Variants in PABPC4L observed in about 807,000 individuals in gnomAD.
The protein encoded by PABPC4L is polyadenylate-binding protein 4-like.
For missense variants in PABPC4L, 452 were observed against 451.4 expected (o/e 1.00, Z -0.01); for synonymous variants, 169 against 164.1 (o/e 1.03, Z -0.23).
the PABPC4L span, among the ~76,000 whole-genome samples, chr4:134,172,414 A>G: frequency 6.6e-6 from 1 of 152,220 alleles, no homozygotes; most frequent in African/African-American, 2.4e-5. Context: ...AGCAATGGGG[A>G]AAGGACTATT....
At chr4:134,097,710 C>T in the PABPC4L span, among the ~76,000 whole-genome samples, 3 of 151,862 alleles carry the variant, frequency 2.0e-5, no homozygotes, top group Admixed American at 6.6e-5. Flanking sequence ...AAACAAATCA[C>T]GACTCGACTC....
At chr4:134,051,264 T>G in the PABPC4L span, among the ~76,000 whole-genome samples, 26 of 152,174 alleles carry the variant, frequency 1.7e-4, no homozygotes, top group Non-Finnish European at 4.4e-5. Flanking sequence ...ATTGAAGCCC[T>G]AATTGTTTTC....
chr4:134,110,946 T>C, the PABPC4L span, among the ~76,000 whole-genome samples: 2 of 152,028 alleles, frequency 1.3e-5, no homozygotes, highest in East Asian at 1.9e-4. Flanking sequence ...TGTGTATATA[T>C]GTATACACAC....
chr4:134,043,311 T>C, the PABPC4L span, among the ~76,000 whole-genome samples: 3 of 152,176 alleles, frequency 2.0e-5, no homozygotes, highest in African/African-American at 7.2e-5. Flanking sequence ...ATATGAGGAC[T>C]GTAGTTTTAT....
the PABPC4L span, among the ~76,000 whole-genome samples, chr4:134,084,874 A>C: frequency 5.3e-5 from 8 of 152,172 alleles, no homozygotes; most frequent in African/African-American, 1.9e-4. Flanking sequence ...GGGAAAGATT[A>C]GGCTCACAAA....
chr4:134,115,288 C>T, the PABPC4L span, among the ~76,000 whole-genome samples: 1 of 151,742 alleles, frequency 6.6e-6, no homozygotes, highest in South Asian at 2.1e-4. Flanking sequence ...GCAAACTTGG[C>T]CTCTGTCCTC....
At chr4:134,062,361 T>C in the PABPC4L span, among the ~76,000 whole-genome samples, 1 of 152,018 alleles carries the variant, frequency 6.6e-6, no homozygotes, top group East Asian at 1.9e-4. Context: ...GCATTTACTC[T>C]TTTCTAAACT....
chr4:134,091,936 G>A, the PABPC4L span, among the ~76,000 whole-genome samples: 1 of 152,178 alleles, frequency 6.6e-6, no homozygotes, highest in Non-Finnish European at 1.5e-5. Context: ...TTACAGCAAA[G>A]TAATAATGAT....
chr4:134,031,396 A>G, the PABPC4L span, among the ~76,000 whole-genome samples: 1 of 151,900 alleles, frequency 6.6e-6, no homozygotes, highest in African/African-American at 2.4e-5. Context: ...ACTTCATGAG[A>G]GCAAAATTTT....
the PABPC4L span, among the ~76,000 whole-genome samples, chr4:134,062,958 T>G: frequency 6.6e-6 from 1 of 152,230 alleles, no homozygotes; most frequent in South Asian, 2.1e-4. Context: ...GTTTAAAAAT[T>G]ATTTGGCAGG....
the PABPC4L span, among the ~76,000 whole-genome samples, chr4:134,174,288 C>T: frequency 6.6e-6 from 1 of 151,590 alleles, no homozygotes; most frequent in East Asian, 1.9e-4. Flanking sequence ...TTACAGTTAC[C>T]TTTAAAAAAA....
the PABPC4L span, among the ~76,000 whole-genome samples, chr4:134,150,961 T>C: frequency 2.0e-5 from 3 of 152,162 alleles, no homozygotes; most frequent in Non-Finnish European, 4.4e-5. Context: ...TGAAAATACA[T>C]GAACCGAAGT....
the PABPC4L span, among the ~76,000 whole-genome samples, chr4:134,095,798 G>T: frequency 1.8e-4 from 28 of 151,924 alleles, no homozygotes; most frequent in Non-Finnish European, 4.0e-4. Context: ...TTTTCCATTT[G>T]CTCTTTAGGG....
At chr4:134,026,981 A>T in the PABPC4L span, among the ~76,000 whole-genome samples, 18 of 152,090 alleles carry the variant, frequency 1.2e-4, no homozygotes, top group African/African-American at 4.3e-4. Context: ...GGAAAAAAAA[A>T]ATTTACGTTT....
the PABPC4L span, among the ~76,000 whole-genome samples, chr4:134,099,947 T>G: frequency 1.6e-4 from 24 of 151,848 alleles, no homozygotes; most frequent in African/African-American, 5.3e-4. Flanking sequence ...GGTCAGACCC[T>G]GTCCACTTAT....
At chr4:134,032,248 T>A in the PABPC4L span, among the ~76,000 whole-genome samples, 1 of 151,886 alleles carries the variant, frequency 6.6e-6, no homozygotes, top group South Asian at 2.1e-4. Context: ...ATAATGTATG[T>A]TCCATTCTTC....
the PABPC4L span, among the ~76,000 whole-genome samples, chr4:134,061,891 ATGAC>A: frequency 6.6e-6 from 1 of 151,980 alleles, no homozygotes; most frequent in Admixed American, 6.6e-5. Flanking sequence ...TGTCAAGAAA[ATGAC>A]AGAAAATATT....
the PABPC4L span, among the ~76,000 whole-genome samples, chr4:134,030,149 A>G: frequency 6.6e-6 from 1 of 152,004 alleles, no homozygotes; most frequent in Non-Finnish European, 1.5e-5. Flanking sequence ...TTAAGGCAGC[A>G]CGAGAAAGGA....
chr4:133,960,232 C>T, the PABPC4L span, among the ~76,000 whole-genome samples: 1 of 152,134 alleles, frequency 6.6e-6, no homozygotes, highest in Non-Finnish European at 1.5e-5. Context: ...CAGGAGACAC[C>T]CTAAATACTG....
Sources: allele counts gnomAD v4.1 joint callset (sites outside exome capture counted in the v4.1 genomes callset), GRCh38; gene constraint gnomAD v4.1.1; transcripts MANE v1.5; gene names NCBI Gene and HGNC (gene_info 2026-07-23, HGNC 2026-07-21).